Variants in EXO1 observed in about 807,000 individuals in gnomAD.
EXO1 encodes the protein exonuclease 1.
Under a neutral mutation model 84.5 loss-of-function variants are expected in EXO1, and 69 were observed. The ratio of observed to expected loss-of-function variants is 0.82; its 90% CI spans 0.67 to 1.00. The LOEUF is 1.00. Ranked by LOEUF, EXO1 falls within the 50% of genes least tolerant of loss-of-function variation. The pLI is 0.00. For missense variants in EXO1, 1,045 were observed against 1,000.7 expected, an observed-to-expected ratio of 1.04 and a Z score of -0.60; for synonymous variants, 373 against 366.1, an observed-to-expected ratio of 1.02 and a Z score of -0.21.
intron 11 of EXO1, among the ~76,000 whole-genome samples, chr1:241,868,962 C>T (rs1269863474): frequency 6.6e-6 from 1 of 152,144 alleles, no homozygotes; most frequent in East Asian, 1.9e-4. Flanking sequence ...GCTCACGTCA[C>T]GTATTAGTTC....
chr1:241,887,615 C>G (rs1663138067), intron 15 of EXO1, among the ~76,000 whole-genome samples: 1 of 151,992 alleles, frequency 6.6e-6, no homozygotes, highest in Admixed American at 6.6e-5. Flanking sequence ...AACAGGCTCT[C>G]TTTGCTCATT....
Position 241,860,575 on chromosome 1 carries a change from T to A in EXO1, c.815T>A (p.Ile272Asn), listed in dbSNP as rs905819666. Reference sequence around the variant, plus strand: ...AATATCACGGTACCAGAGGATTACATCAACGGGTTTATTCGGGCCAACAAT... The same window carrying A: ...AATATCACGGTACCAGAGGATTACAACAACGGGTTTATTCGGGCCAACAAT... ...KMNITVPEDY[I>N]NGFIRANNTF... Residue 272 changes from isoleucine (I) to asparagine (N), a missense_variant, in exon 9 of 16, where the codon ATC (isoleucine) becomes AAC (asparagine). Physicochemically the swap from Ile to Asn is moderately radical, Grantham distance 149. Coordinates refer to ENST00000366548, the MANE Select transcript of EXO1 (RefSeq NM_130398.4). The A allele has an allele frequency of 1.9e-6, 3 of 1,613,934 alleles. No homozygotes were observed. In the African/African-American group the frequency reaches 4.0e-5, roughly 22 times the overall value.
At chr1:241,852,534 A>C in intron 5 of EXO1, 123 bp downstream of exon 5, 3 of 842,392 alleles carry the variant, frequency 3.6e-6, no homozygotes, top group African/African-American at 3.3e-5. Flanking sequence ...TGTCCTAGGT[A>C]CTCGGGAGGT....
chr1:241,875,605 G>A (rs1776141), intron 12 of EXO1, among the ~76,000 whole-genome samples: 68,704 of 152,028 alleles, frequency 0.45, 15,730 homozygotes, highest in East Asian at 0.7. Flanking sequence ...TGGGCCGGCC[G>A]TGGTGGTTCA....
chr1:241,866,867 C>T lies in EXO1; in HGVS notation c.1079C>T (p.Thr360Ile). 3 of 1,613,842 alleles carry T rather than the reference C, an allele frequency of 1.9e-6. No homozygotes were observed. Among genetic ancestry groups the T allele is most frequent in the Non-Finnish European group, 2.5e-6 (3 of 1,179,740 alleles). Residue 360 changes from threonine to isoleucine, a missense_variant, in exon 11 of 16, where the codon ACA becomes ATA. By Grantham distance (89) the Thr-to-Ile change is moderately conservative. Transcript: ENST00000366548. ...HSRSHSWDDK[T>I]CQKSANVSSI... ...AGAAGTCATAGTTGGGATGACAAAA[C>T]ATGTCAAAAGTCAGCTAATGTTAGC...
intron 8 of EXO1, 114 bp downstream of exon 8, chr1:241,858,832 AT>A (rs1408385325): frequency 1.3e-6 from 1 of 782,700 alleles, no homozygotes; most frequent in East Asian, 2.7e-5. Context: ...ATATTATATT[AT>A]TAAAAGGAGC....
chr1:241,870,202 A>G (rs1331747622), intron 11 of EXO1, among the ~76,000 whole-genome samples: 9 of 152,214 alleles, frequency 5.9e-5, no homozygotes, highest in Admixed American at 2.6e-4. Context: ...CGAGTTCTTT[A>G]TGTCAGACTA....
At position 241,857,405 on chromosome 1, in the gene EXO1, GCCTATCT is replaced by G; in HGVS notation, c.467_473del (p.Ala156ValfsTer10). 3 of 1,613,792 alleles carry G rather than the reference GCCTATCT, an allele frequency of 1.9e-6. No homozygotes were observed. Among genetic ancestry groups the G allele is most frequent in the Non-Finnish European group, 2.5e-6 (3 of 1,179,880 alleles). Reference sequence around the variant, plus strand: ...TCCCTATGAAGCTGATGCGCAGTTGGCCTATCTTAACAAAGCGGGAATTGTGCAAGCC... The same window carrying G: ...TCCCTATGAAGCTGATGCGCAGTTGGTAACAAAGCGGGAATTGTGCAAGCC... On this transcript the variant is annotated frameshift_variant, in exon 7 of 16. Coordinates refer to ENST00000366548, the MANE Select transcript of EXO1 (RefSeq NM_130398.4). LOFTEE classifies it high-confidence loss of function.
At chr1:241,864,585 C>T (rs369596502) in intron 10 of EXO1, among the ~76,000 whole-genome samples, 331 of 152,334 alleles carry the variant, frequency 2.2e-3, no homozygotes, top group African/African-American at 7.7e-3. Flanking sequence ...TAGTCATTCC[C>T]CCACCAGGGG....
intron 6 of EXO1, 127 bp downstream of exon 6, chr1:241,853,608 G>A: frequency 1.1e-6 from 1 of 931,034 alleles, no homozygotes; most frequent in South Asian, 1.4e-5. Flanking sequence ...GCAGATGTCA[G>A]AAGGAGAAGG....
At chr1:241,868,158 T>G (rs1661858571) in intron 11 of EXO1, among the ~76,000 whole-genome samples, 1 of 151,926 alleles carries the variant, frequency 6.6e-6, no homozygotes, top group Non-Finnish European at 1.5e-5. Flanking sequence ...GCAGATCACT[T>G]GAGGTCAGGT....
intron 5 of EXO1, 140 bp downstream of exon 5, chr1:241,852,551 A>G: frequency 1.3e-6 from 1 of 752,834 alleles, no homozygotes; most frequent in Non-Finnish European, 2.3e-6. Context: ...AGGTTGAGGC[A>G]AGAGGATCAC....
intron 10 of EXO1, among the ~76,000 whole-genome samples, chr1:241,864,668 A>G (rs1365175576): frequency 6.6e-6 from 1 of 152,052 alleles, no homozygotes; most frequent in African/African-American, 2.4e-5. Flanking sequence ...CTTCTCTTTG[A>G]TATTCTCTTC....
chr1:241,853,253 A>G (rs1243820120), intron 5 of EXO1, 105 bp from the exon 6 acceptor site: 11 of 1,305,108 alleles, frequency 8.4e-6, no homozygotes, highest in Non-Finnish European at 1.2e-5. Context: ...ATGAGTCAAA[A>G]ACTTTTTTCA....
Position 241,865,160 on chromosome 1 carries a change from C to T in EXO1, c.1042-1670C>T, listed in dbSNP as rs544986628. 1.7e-4 allele frequency among the ~76,000 whole-genome samples: 26 copies of T among 149,398 alleles called. No individual in the cohort carries two copies. The South Asian group carries it at 2.7e-3, about 16-fold the overall frequency. Reference sequence around the variant, plus strand: ...TCTGAGGTTACACATGTGGAGCCACCACACCTGGCCACAGCATTATATATA... The same window carrying T: ...TCTGAGGTTACACATGTGGAGCCACTACACCTGGCCACAGCATTATATATA... On this transcript the variant is annotated intron_variant, in intron 10 of 15. Coordinates refer to ENST00000366548, the MANE Select transcript of EXO1 (RefSeq NM_130398.4).
At chr1:241,857,043 T>C (rs1661089092) in intron 6 of EXO1, among the ~76,000 whole-genome samples, 1 of 152,180 alleles carries the variant, frequency 6.6e-6, no homozygotes, top group Admixed American at 6.5e-5. Flanking sequence ...AGACCCTGTC[T>C]CCAAAAAATA....
chr1:241,854,081 C>T (rs1480561712), intron 6 of EXO1, among the ~76,000 whole-genome samples: 1 of 152,124 alleles, frequency 6.6e-6, no homozygotes, highest in African/African-American at 2.4e-5. Context: ...GCCCACATTC[C>T]CAGCCCTCAC....
At chr1:241,876,900 T>A (rs143530227) in intron 12 of EXO1, among the ~76,000 whole-genome samples, 1 of 152,208 alleles carries the variant, frequency 6.6e-6, no homozygotes, top group African/African-American at 2.4e-5. Flanking sequence ...TTTCACACAC[T>A]GTTCACCTCC....
intron 11 of EXO1, 119 bp from the exon 12 acceptor site, chr1:241,871,911 GTT>G (rs35496250): frequency 2.2e-3 from 1,114 of 514,836 alleles, no homozygotes; most frequent in Middle Eastern, 2.8e-3. Flanking sequence ...CTGAGGCATA[GTT>G]TTTTTTTTTT....
Sources: allele counts gnomAD v4.1 joint callset (sites outside exome capture counted in the v4.1 genomes callset), GRCh38; gene constraint gnomAD v4.1.1; transcripts MANE v1.5; gene names NCBI Gene and HGNC (gene_info 2026-07-23, HGNC 2026-07-21).